The following PPM1H variants were observed in gnomAD, a reference collection of about 807,000 sequenced individuals.
The protein encoded by PPM1H is protein phosphatase 1H.
A neutral mutation model predicts 54.9 loss-of-function variants in PPM1H; 27 were observed. The ratio of observed to expected loss-of-function variants is 0.49; its 90% CI spans 0.36 to 0.68. PPM1H has a LOEUF of 0.68. Among genes scored for constraint, PPM1H ranks in the 30% least tolerant of loss-of-function variants. PPM1H has a pLI of 0.00. For missense variants in PPM1H, 596 were observed against 667.8 expected, an observed-to-expected ratio of 0.89 and a Z score of 1.19; for synonymous variants, 305 against 270.8, an observed-to-expected ratio of 1.13 and a Z score of -1.24.
chr12:62,774,024 C>T (rs1039414276), intron 4 of PPM1H, among the ~76,000 whole-genome samples: 3 of 152,140 alleles, frequency 2.0e-5, no homozygotes, highest in Non-Finnish European at 2.9e-5. Flanking sequence ...CATTCCCCCC[C>T]AAACCTAAGT....
intron 1 of PPM1H, among the ~76,000 whole-genome samples, chr12:62,915,554 G>C (rs1328397539): frequency 6.6e-6 from 1 of 152,174 alleles, no homozygotes; most frequent in Non-Finnish European, 1.5e-5. Flanking sequence ...ACAAATCCCA[G>C]GTTTTACCTG....
rs114265729 is a variant in PPM1H, at chr12:62,675,986, C to G, written c.1246-8657G>C. 5.1e-3 allele frequency among the ~76,000 whole-genome samples: 776 copies of G among 152,322 alleles called. 15 individuals are homozygous for G. The highest frequency in any genetic ancestry group is 0.018 in the African/African-American group (738 of 41,566). ...TGTTCAAGTGCAGAATGAGGTATAT[C>G]ATATCCTTAACCCACCAGCCTGGCA... is the stretch of plus-strand genomic sequence containing the variant. On this transcript the variant is annotated intron_variant, in intron 8 of 9. Transcript: ENST00000228705.
intron 9 of PPM1H, among the ~76,000 whole-genome samples, chr12:62,654,083 A>AAAT (rs2075830454): frequency 6.6e-6 from 1 of 151,970 alleles, no homozygotes; most frequent in Non-Finnish European, 1.5e-5. Flanking sequence ...CTCTACAAAA[A>AAAT]AATACAAAAA....
intron 1 of PPM1H, among the ~76,000 whole-genome samples, chr12:62,858,842 C>T (rs1471231322): frequency 6.6e-6 from 1 of 152,158 alleles, no homozygotes; most frequent in Non-Finnish European, 1.5e-5. Flanking sequence ...CTTTAAATAC[C>T]TCTCACTCTC....
intron 8 of PPM1H, among the ~76,000 whole-genome samples, chr12:62,678,130 A>C (rs1167279135): frequency 6.6e-6 from 1 of 152,120 alleles, no homozygotes; most frequent in Non-Finnish European, 1.5e-5. Flanking sequence ...TGTTGTTTTT[A>C]GAGACAGGGT....
At position 62,657,079 on chromosome 12, in the gene PPM1H, A is replaced by G. The variant is rs149460173; in HGVS notation, c.1398-8443T>C. Among the ~76,000 whole-genome samples, 255 of 152,172 alleles carry G rather than the reference A, an allele frequency of 1.7e-3. 2 individuals are homozygous for G. Among genetic ancestry groups the G allele is most frequent in the African/African-American group, 6.0e-3 (249 of 41,536 alleles). ...CCACTCAGGCAGAATACCCTGAGAC[A>G]CCAGAATAACGACAACTGTTGTCTG... On this transcript the variant is annotated intron_variant, in intron 9 of 9. Transcript: ENST00000228705.
chr12:62,911,462 C>G (rs978180684), intron 1 of PPM1H, among the ~76,000 whole-genome samples: 4 of 147,282 alleles, frequency 2.7e-5, no homozygotes, highest in Non-Finnish European at 4.4e-5. Flanking sequence ...ATTTACTGAC[C>G]TTAATTACCT....
intron 4 of PPM1H, among the ~76,000 whole-genome samples, chr12:62,781,613 A>AC (rs535190325): frequency 2.5e-3 from 387 of 152,354 alleles, no homozygotes; most frequent in Non-Finnish European, 4.1e-3. Flanking sequence ...TGCTGGGTCC[A>AC]CCCACTGAGT....
rs532159262 is a variant in PPM1H, at chr12:62,891,738, G to A, written c.245+42754C>T. 5.3e-5 allele frequency among the ~76,000 whole-genome samples: 8 copies of A among 152,260 alleles called. No individual in the cohort carries two copies. The South Asian group carries it at 1.2e-3, about 24-fold the overall frequency. ...AAGTGCCACAAGGTTAGCAGTTGTC[G>A]AGTCTTGCCGAAAGAATTACAAGTG... On this transcript the variant is annotated intron_variant, in intron 1 of 9. Coordinates refer to ENST00000228705, the MANE Select transcript of PPM1H (RefSeq NM_020700.2).
intron 1 of PPM1H, among the ~76,000 whole-genome samples, chr12:62,905,612 G>A (rs1044339472): frequency 6.6e-5 from 10 of 152,172 alleles, no homozygotes; most frequent in South Asian, 6.2e-4. Context: ...ATATTTATCC[G>A]TTTAAGTAGA....
intron 6 of PPM1H, among the ~76,000 whole-genome samples, chr12:62,711,310 T>G (rs974453869): frequency 1.3e-5 from 2 of 152,170 alleles, no homozygotes; most frequent in Admixed American, 6.5e-5. Flanking sequence ...CATTATTAGC[T>G]TCATTTTACA....
chr12:62,759,288 C>T (rs2076493044), intron 4 of PPM1H, among the ~76,000 whole-genome samples: 1 of 152,220 alleles, frequency 6.6e-6, no homozygotes, highest in Admixed American at 6.5e-5. Context: ...TGAAGAGATC[C>T]ACCTATGACA....
At chr12:62,876,836 T>C (rs1016167342) in intron 1 of PPM1H, among the ~76,000 whole-genome samples, 5 of 152,178 alleles carry the variant, frequency 3.3e-5, no homozygotes, top group African/African-American at 1.2e-4. Flanking sequence ...GTAAGTTCAG[T>C]GATCAGTTTT....
At chr12:62,905,975 C>T (rs699579) in intron 1 of PPM1H, among the ~76,000 whole-genome samples, 50,638 of 152,002 alleles carry the variant, frequency 0.33, 10,101 homozygotes, top group Non-Finnish European at 0.46. Context: ...AAGCACCATG[C>T]TTCAAAAAAA....
At chr12:62,753,585 C>T (rs1288810183) in intron 4 of PPM1H, among the ~76,000 whole-genome samples, 2 of 152,218 alleles carry the variant, frequency 1.3e-5, no homozygotes, top group Non-Finnish European at 2.9e-5. Context: ...TCCTCACCCC[C>T]TACTCTTGAA....
chr12:62,831,707 A>G (rs7977650), intron 2 of PPM1H, among the ~76,000 whole-genome samples: 10,508 of 117,148 alleles, frequency 0.09, 506 homozygotes, highest in African/African-American at 0.19. Context: ...TTGTGTGTGT[A>G]TGTGTGTGTG....
At chr12:62,877,263 G>A (rs1160934518) in intron 1 of PPM1H, among the ~76,000 whole-genome samples, 1 of 152,114 alleles carries the variant, frequency 6.6e-6, no homozygotes, top group African/African-American at 2.4e-5. Flanking sequence ...TGTTGTGTCC[G>A]CAGATGCACC....
intron 6 of PPM1H, among the ~76,000 whole-genome samples, chr12:62,711,850 T>A (rs1198501889): frequency 6.6e-6 from 1 of 152,020 alleles, no homozygotes; most frequent in Non-Finnish European, 1.5e-5. Context: ...CTTTTCTTTC[T>A]CCTCCCTGTG....
chr12:62,855,939 C>T (rs1869368922), intron 1 of PPM1H, among the ~76,000 whole-genome samples: 1 of 152,188 alleles, frequency 6.6e-6, no homozygotes. Context: ...TGGGATGAGA[C>T]TGTGTTAAGT....
Sources: allele counts gnomAD v4.1 joint callset (sites outside exome capture counted in the v4.1 genomes callset), GRCh38; gene constraint gnomAD v4.1.1; transcripts MANE v1.5; gene names NCBI Gene and HGNC (gene_info 2026-07-23, HGNC 2026-07-21).